Variants in NYAP2 observed in about 807,000 individuals in gnomAD.
NYAP2 encodes neuronal tyrosine-phosphorylated phosphoinositide-3-kinase adapter 2.
A neutral mutation model predicts 50.4 loss-of-function variants in NYAP2; 23 were observed. The observed-to-expected ratio is 0.46, with a 90% CI of 0.33 to 0.65. The LOEUF (loss-of-function observed/expected upper bound fraction) is 0.65. NYAP2 is among the 30% of genes least tolerant of loss of function. The pLI, the probability that NYAP2 is intolerant of heterozygous loss-of-function variation, is 0.02. For missense variants in NYAP2, 885 were observed against 861.0 expected, an observed-to-expected ratio of 1.03 and a Z score of -0.35; for synonymous variants, 394 against 365.2, an observed-to-expected ratio of 1.08 and a Z score of -0.90.
chr2:225,526,933 T>C (rs1691161348), intron 4 of NYAP2, among the ~76,000 whole-genome samples: 1 of 152,184 alleles, frequency 6.6e-6, no homozygotes, highest in Non-Finnish European at 1.5e-5. Flanking sequence ...GTAAGACCCA[T>C]CTGTCAAACC....
chr2:225,648,960 G>A (rs1337892286), intron 6 of NYAP2, among the ~76,000 whole-genome samples: 1 of 152,200 alleles, frequency 6.6e-6, no homozygotes, highest in Non-Finnish European at 1.5e-5. Flanking sequence ...AGGACATTGG[G>A]TTGAGAGAGA....
At chr2:225,581,605 T>C (rs1052980314) in intron 4 of NYAP2, among the ~76,000 whole-genome samples, 1 of 152,228 alleles carries the variant, frequency 6.6e-6, no homozygotes, top group African/African-American at 2.4e-5. Context: ...TGCAGGTTAA[T>C]TTTCACAAAA....
the NYAP2 span, among the ~76,000 whole-genome samples, chr2:225,667,056 C>T: frequency 2.6e-5 from 4 of 152,238 alleles, no homozygotes; most frequent in South Asian, 8.3e-4. Context: ...GGGCATGACT[C>T]TCCAGACCCG....
chr2:225,521,451 A>G lies in NYAP2; in HGVS notation c.523+7779A>G, dbSNP rs370967345. Among the ~76,000 whole-genome samples the G allele has an allele frequency of 1.0e-3, 155 of 152,044 alleles. 2 individuals carry two copies. The East Asian group carries it at 0.02, about 20-fold the overall frequency. On this transcript the variant is annotated intron_variant, in intron 4 of 6. Coordinates refer to ENST00000636099, the Ensembl canonical transcript of NYAP2. ...TTATTATTTTGAGATACATCCCATC[A>G]ATACCTAATTTATTGAGAGTTTTTA... is the stretch of plus-strand genomic sequence containing the variant.
chr2:225,562,204 C>T (rs116459535), intron 4 of NYAP2, among the ~76,000 whole-genome samples: 1 of 152,080 alleles, frequency 6.6e-6, no homozygotes, highest in Non-Finnish European at 1.5e-5. Flanking sequence ...GGGGAAAGAA[C>T]AGTTTCTGCT....
chr2:225,641,437 A>ACACACG (rs1409512072), intron 6 of NYAP2, among the ~76,000 whole-genome samples: 3 of 141,288 alleles, frequency 2.1e-5, no homozygotes, highest in Non-Finnish European at 3.1e-5. Context: ...ACACACACAC[A>ACACACG]CACACACACA....
chr2:225,643,772 C>A (rs577518691), intron 6 of NYAP2, among the ~76,000 whole-genome samples: 38 of 125,334 alleles, frequency 3.0e-4, no homozygotes, highest in Non-Finnish European at 2.9e-4. Flanking sequence ...AGGACAAGAA[C>A]TCATCATTTT....
intron 3 of NYAP2, among the ~76,000 whole-genome samples, chr2:225,488,768 T>C (rs1690349248): frequency 6.6e-6 from 1 of 152,202 alleles, no homozygotes; most frequent in Non-Finnish European, 1.5e-5. Flanking sequence ...CTTTGGCTTC[T>C]CTCTAAGAGA....
chr2:225,521,008 C>T (rs1691044692), intron 4 of NYAP2, among the ~76,000 whole-genome samples: 1 of 147,080 alleles, frequency 6.8e-6, no homozygotes, highest in Non-Finnish European at 1.5e-5. Flanking sequence ...AAGTTGGATT[C>T]CTAGGTATTT....
At chr2:225,412,774 G>A (rs909759500) in intron 3 of NYAP2, among the ~76,000 whole-genome samples, 5 of 152,084 alleles carry the variant, frequency 3.3e-5, no homozygotes, top group African/African-American at 9.7e-5. Flanking sequence ...AGTTCTAGTC[G>A]GAAAATAGCG....
chr2:225,672,903 C>T, the NYAP2 span, among the ~76,000 whole-genome samples: 2 of 151,840 alleles, frequency 1.3e-5, no homozygotes, highest in African/African-American at 4.8e-5. Context: ...GTTCGTGGTG[C>T]CCCCAAGCAA....
At chr2:225,524,111 C>A (rs933433079) in intron 4 of NYAP2, among the ~76,000 whole-genome samples, 1 of 152,134 alleles carries the variant, frequency 6.6e-6, no homozygotes, top group South Asian at 2.1e-4. Context: ...CACATGATCA[C>A]AAGGTGAAGT....
chr2:225,653,932 T>A (rs1415505452), exon 7 of NYAP2: 1 of 149,752 alleles, frequency 6.7e-6, no homozygotes, highest in African/African-American at 2.5e-5. Context: ...GGCAGGAGAA[T>A]GTGGTGAACC....
At chr2:225,475,559 G>A (rs1690088906) in intron 3 of NYAP2, among the ~76,000 whole-genome samples, 1 of 152,164 alleles carries the variant, frequency 6.6e-6, no homozygotes, top group African/African-American at 2.4e-5. Context: ...ATTTTTCTGT[G>A]TTTGTGTTAT....
At chr2:225,684,794 G>GC in the NYAP2 span, among the ~76,000 whole-genome samples, 1 of 152,008 alleles carries the variant, frequency 6.6e-6, no homozygotes, top group Non-Finnish European at 1.5e-5. Context: ...CAGGTGATCT[G>GC]CCCCCCTCGG....
intron 6 of NYAP2, among the ~76,000 whole-genome samples, chr2:225,634,003 A>G (rs951888110): frequency 2.0e-5 from 3 of 152,180 alleles, no homozygotes; most frequent in Non-Finnish European, 2.9e-5. Context: ...CCCAGTAGAT[A>G]CCTTGTCCTC....
intron 3 of NYAP2, among the ~76,000 whole-genome samples, chr2:225,417,253 C>A (rs187367802): frequency 6.6e-6 from 1 of 152,212 alleles, no homozygotes; most frequent in East Asian, 1.9e-4. Context: ...AGAGCCTGAG[C>A]ATGCTAATAA....
chr2:225,496,110 T>A (rs191819109), intron 3 of NYAP2, among the ~76,000 whole-genome samples: 1 of 152,278 alleles, frequency 6.6e-6, no homozygotes, highest in African/African-American at 2.4e-5. Flanking sequence ...CAGAAAAGAT[T>A]GCAAGACCAA....
chr2:225,612,838 G>C (rs1692922647), intron 5 of NYAP2, among the ~76,000 whole-genome samples: 1 of 111,952 alleles, frequency 8.9e-6, no homozygotes, highest in Non-Finnish European at 2.0e-5. Flanking sequence ...CACCCAATGT[G>C]TGTGATGACA....
Sources: gnomAD v4.1 joint callset for allele counts (sites outside exome capture counted in the v4.1 genomes callset) on GRCh38, gnomAD v4.1.1 for gene constraint, MANE v1.5 for transcripts, NCBI Gene and HGNC (gene_info 2026-07-23, HGNC 2026-07-21) for gene names.